Variants in ZBBX observed in about 807,000 individuals in gnomAD.
The protein encoded by ZBBX is zinc finger B-box domain-containing protein 1.
ZBBX carries 101 observed loss-of-function variants against 108.5 expected under a neutral mutation model. The observed-to-expected ratio is 0.93, with a 90% CI of 0.79 to 1.10. The LOEUF (loss-of-function observed/expected upper bound fraction) is 1.10, where lower values mean the gene tolerates loss of function less well. ZBBX is among the 50% of genes least tolerant of loss of function. The pLI is 0.00. For synonymous variants in ZBBX, 356 were observed against 323.4 expected (o/e 1.10, Z -1.08); for missense variants, 1,009 against 941.4 (o/e 1.07, Z -0.94).
At chr3:167,202,518 T>A in the ZBBX span, among the ~76,000 whole-genome samples, 1 of 152,120 alleles carries the variant, frequency 6.6e-6, no homozygotes, top group African/African-American at 2.4e-5. Flanking sequence ...AAAGACAATA[T>A]CTGAAACTAG....
chr3:167,318,119 A>G (rs182371525), intron 12 of ZBBX, among the ~76,000 whole-genome samples: 41 of 152,080 alleles, frequency 2.7e-4, no homozygotes, highest in African/African-American at 9.9e-4. Flanking sequence ...GCTGCAGCCC[A>G]TTTCATATGG....
chr3:167,184,773 G>C, the ZBBX span, among the ~76,000 whole-genome samples: 1 of 152,066 alleles, frequency 6.6e-6, no homozygotes, highest in Non-Finnish European at 1.5e-5. Flanking sequence ...AAAGTAACCA[G>C]GCAATTTAAA....
intron 18 of ZBBX, among the ~76,000 whole-genome samples, chr3:167,293,447 A>G (rs1000913371): frequency 6.6e-6 from 1 of 152,224 alleles, no homozygotes; most frequent in South Asian, 2.1e-4. Context: ...CAAAAAACAT[A>G]TGATTATCTT....
chr3:167,248,076 C>T (rs1437918982), intron 20 of ZBBX, among the ~76,000 whole-genome samples: 3 of 152,168 alleles, frequency 2.0e-5, no homozygotes, highest in African/African-American at 7.2e-5. Context: ...CAAATCAGAT[C>T]AATTTTTCCT....
the ZBBX span, among the ~76,000 whole-genome samples, chr3:167,201,309 C>T: frequency 1.2e-4 from 19 of 152,112 alleles, no homozygotes; most frequent in Admixed American, 1.0e-3. Context: ...ATTTCTACAA[C>T]ATATGTTATT....
intron 20 of ZBBX, among the ~76,000 whole-genome samples, chr3:167,275,431 G>A (rs1048576829): frequency 1.1e-3 from 166 of 152,166 alleles, no homozygotes; most frequent in Non-Finnish European, 1.5e-3. Context: ...CGCACTGTGC[G>A]CGAGCCGAAG....
At chr3:167,253,060 G>A (rs1161007839) in intron 20 of ZBBX, among the ~76,000 whole-genome samples, 3 of 151,784 alleles carry the variant, frequency 2.0e-5, no homozygotes, top group African/African-American at 7.3e-5. Context: ...ATGAATGATG[G>A]GTAAATATGG....
chr3:167,207,461 T>C, the ZBBX span, among the ~76,000 whole-genome samples: 1 of 152,210 alleles, frequency 6.6e-6, no homozygotes, highest in Non-Finnish European at 1.5e-5. Flanking sequence ...GTGCTGCCTC[T>C]ATTATCCAAG....
intron 9 of ZBBX, among the ~76,000 whole-genome samples, chr3:167,341,732 T>C (rs771489661): frequency 9.2e-5 from 14 of 152,010 alleles, no homozygotes; most frequent in Non-Finnish European, 1.8e-4. Context: ...ATTACAAGTA[T>C]GTTGCATCCA....
At chr3:167,359,233 C>T in intron 8 of ZBBX, among the ~76,000 whole-genome samples, 1 of 151,948 alleles carries the variant, frequency 6.6e-6, no homozygotes, top group East Asian at 1.9e-4. Context: ...AGTTCAAGAA[C>T]AGATATCACT....
upstream of ZBBX, among the ~76,000 whole-genome samples, chr3:167,384,794 T>C (rs1184742957): frequency 6.6e-6 from 1 of 152,042 alleles, no homozygotes; most frequent in Non-Finnish European, 1.5e-5. Context: ...CCTGAATGAA[T>C]TTATTCCTGT....
At chr3:167,381,054 C>T (rs367553762), upstream of ZBBX, among the ~76,000 whole-genome samples, 27 of 152,126 alleles carry the variant, frequency 1.8e-4, no homozygotes, top group East Asian at 1.2e-3. Flanking sequence ...GTATAGGCTT[C>T]TATGCTTAAC....
At chr3:167,288,382 C>T (rs1730085511) in intron 19 of ZBBX, among the ~76,000 whole-genome samples, 1 of 151,998 alleles carries the variant, frequency 6.6e-6, no homozygotes, top group Non-Finnish European at 1.5e-5. Flanking sequence ...AATGAAGATT[C>T]CAGGGTCAAT....
chr3:167,350,501 A>G lies in ZBBX; in HGVS notation c.447T>C (p.Cys149=), dbSNP rs752805629. The G allele has an allele frequency of 1.3e-6, 2 of 1,586,308 alleles. No individual in the cohort carries two copies. The highest frequency in any genetic ancestry group is 2.3e-5 in the South Asian group (2 of 85,300). ...AGCATCCTGAACAATAATCTTCTCCACATTCAAGGCATACCTAAAAAGATA... is the reference window on the plus strand; with the variant it reads ...AGCATCCTGAACAATAATCTTCTCCGCATTCAAGGCATACCTAAAAAGATA... ...NKAALLVCLE[C]GEDYCSGCFA... The change falls in exon 9 of 22, where the codon TGT becomes TGC. Residue 149 remains cysteine, a synonymous_variant. Transcript: ENST00000675490.
intron 20 of ZBBX, among the ~76,000 whole-genome samples, chr3:167,271,308 T>C (rs1230543990): frequency 6.6e-6 from 1 of 152,206 alleles, no homozygotes; most frequent in African/African-American, 2.4e-5. Context: ...ATTGTTCATG[T>C]TTCCAGACAA....
At chr3:167,354,078 C>T (rs1743124732) in intron 8 of ZBBX, among the ~76,000 whole-genome samples, 1 of 151,920 alleles carries the variant, frequency 6.6e-6, no homozygotes, top group African/African-American at 2.4e-5. Flanking sequence ...CTTAAATGTG[C>T]TCAAAACACT....
chr3:167,316,471 C>G (rs1735475330), intron 14 of ZBBX, among the ~76,000 whole-genome samples: 1 of 152,032 alleles, frequency 6.6e-6, no homozygotes, highest in African/African-American at 2.4e-5. Context: ...CAGTCCAGAG[C>G]TCTAGCTCTG....
intron 21 of ZBBX, among the ~76,000 whole-genome samples, chr3:167,241,471 G>A (rs1392414668): frequency 6.6e-6 from 1 of 152,142 alleles, no homozygotes; most frequent in Non-Finnish European, 1.5e-5. Context: ...AGTATTGAAT[G>A]TCATTTGTTT....
chr3:167,253,686 A>G (rs2108373666), intron 20 of ZBBX, among the ~76,000 whole-genome samples: 1 of 152,286 alleles, frequency 6.6e-6, no homozygotes, highest in South Asian at 2.1e-4. Context: ...TTTCAGGAAG[A>G]ATTTAGTTTC....
Sources: gnomAD v4.1 joint callset for allele counts (sites outside exome capture counted in the v4.1 genomes callset) on GRCh38, gnomAD v4.1.1 for gene constraint, MANE v1.5 for transcripts, NCBI Gene and HGNC (gene_info 2026-07-23, HGNC 2026-07-21) for gene names.